Variants in EML5 observed in about 807,000 individuals in gnomAD.
The protein encoded by EML5 is EMAP like 5.
In EML5, 120 loss-of-function variants were observed where a neutral mutation model predicts 250.0. The observed-to-expected ratio is 0.48, with a 90% confidence interval of 0.41 to 0.56. EML5 has a LOEUF of 0.56. Ranked by LOEUF, EML5 falls within the 20% of genes least tolerant of loss-of-function variation. EML5 has a pLI of 0.00. For synonymous variants in EML5, 771 were observed against 806.5 expected, an observed-to-expected ratio of 0.96 and a Z score of 0.75; for missense variants, 2,006 against 2,437.6, an observed-to-expected ratio of 0.82 and a Z score of 3.73.
chr14:88,715,753 G>A (rs1343326855), intron 8 of EML5, among the ~76,000 whole-genome samples: 1 of 151,740 alleles, frequency 6.6e-6, no homozygotes, highest in South Asian at 2.1e-4. Context: ...CACCTCTGGG[G>A]ATCAAGCGAT....
At chr14:88,662,542 CTTT>C (rs56347693) in intron 24 of EML5, among the ~76,000 whole-genome samples, 5 of 121,682 alleles carry the variant, frequency 4.1e-5, no homozygotes, top group Admixed American at 9.2e-5. Context: ...TGATTTATTC[CTTT>C]TTTTTTTTTT....
At chr14:88,744,977 T>C (rs1372556581) in intron 3 of EML5, among the ~76,000 whole-genome samples, 1 of 152,046 alleles carries the variant, frequency 6.6e-6, no homozygotes, top group African/African-American at 2.4e-5. Flanking sequence ...AACATATCAA[T>C]GCAACTTTGA....
chr14:88,666,762 T>C (rs943663773), intron 21 of EML5, among the ~76,000 whole-genome samples: 1 of 152,068 alleles, frequency 6.6e-6, no homozygotes, highest in African/African-American at 2.4e-5. Flanking sequence ...GCAAACATAT[T>C]CAAAAGCCCT....
chr14:88,661,719 C>G lies in EML5; in HGVS notation c.3610G>C (p.Asp1204His). The change falls in exon 25 of 44, where the codon GAC becomes CAC. Residue 1204 changes from aspartate (D) to histidine (H), a missense_variant. By Grantham distance (81) the Asp-to-His change is moderately conservative. Coordinates refer to ENST00000554922, the MANE Select transcript of EML5 (RefSeq NM_183387.3). ...TDVTASCLTS[D>H]KMVLATGDDL... ...TCCCCGGTAGCTAGAACCATTTTGT[C>G]ACTGGTGAGGCAAGAAGCAGTTACA... The G allele has an allele frequency of 6.2e-7, 1 of 1,613,638 alleles. No homozygotes were observed. Among genetic ancestry groups the G allele is most frequent in the African/African-American group, 1.3e-5 (1 of 75,038 alleles).
At chr14:88,631,962 A>T (rs1337957420) in intron 33 of EML5, among the ~76,000 whole-genome samples, 1 of 152,220 alleles carries the variant, frequency 6.6e-6, no homozygotes, top group African/African-American at 2.4e-5. Flanking sequence ...ATACAGGGAA[A>T]ATGGAAGTCA....
At chr14:88,669,834 G>A (rs2092409793) in intron 21 of EML5, among the ~76,000 whole-genome samples, 3 of 152,144 alleles carry the variant, frequency 2.0e-5, no homozygotes, top group Admixed American at 6.5e-5. Flanking sequence ...ATACAGGGGC[G>A]TTTCCACTGG....
At chr14:88,643,609 A>AT (rs1333466791) in intron 30 of EML5, among the ~76,000 whole-genome samples, 3 of 152,160 alleles carry the variant, frequency 2.0e-5, no homozygotes, top group Non-Finnish European at 2.9e-5. Flanking sequence ...GAGGGACTGT[A>AT]TTTTTTGTGT....
At chr14:88,666,910 G>A (rs1180405933) in intron 21 of EML5, among the ~76,000 whole-genome samples, 2 of 152,188 alleles carry the variant, frequency 1.3e-5, no homozygotes, top group Non-Finnish European at 2.9e-5. Context: ...TCTAAGATGT[G>A]ATTTCTCAGA....
intron 4 of EML5, among the ~76,000 whole-genome samples, chr14:88,741,463 T>G (rs1480951547): frequency 6.6e-6 from 1 of 152,206 alleles, no homozygotes; most frequent in Admixed American, 6.5e-5. Context: ...AAGTTAACCA[T>G]GAATCTTCAT....
rs773054748 is a variant in EML5 at position 88,642,874 on chromosome 14, G to T, written c.4237+19C>A. The stretch of plus-strand genomic sequence containing the variant: ...AGTTAAAAAAATTGATAGAGGGATG[G>T]AGAATCAGGGTTTCCTACCTGTAGC... On this transcript the variant is annotated intron_variant, in intron 31 of 43. Transcript: ENST00000554922. The T allele has an allele frequency of 1.3e-6, 2 of 1,580,682 alleles. No homozygotes were observed. The highest frequency in any genetic ancestry group is 1.7e-6 in the Non-Finnish European group (2 of 1,168,586).
intron 1 of EML5, among the ~76,000 whole-genome samples, chr14:88,788,623 T>C (rs191986512): frequency 1.3e-5 from 2 of 152,004 alleles, no homozygotes; most frequent in Admixed American, 1.3e-4. Flanking sequence ...CAGAGTCAAA[T>C]AACAAAATGC....
chr14:88,729,747 G>A (rs2093724379), intron 7 of EML5, among the ~76,000 whole-genome samples: 1 of 152,014 alleles, frequency 6.6e-6, no homozygotes, highest in Admixed American at 6.6e-5. Context: ...TTTTAGTAGA[G>A]ACAGGGTTTT....
At chr14:88,746,089 TG>T in intron 3 of EML5, 95 bp downstream of exon 3, 1 of 931,660 alleles carries the variant, frequency 1.1e-6, no homozygotes, top group African/African-American at 1.7e-5. Flanking sequence ...ATGACCTATC[TG>T]GCAATAACAA....
chr14:88,787,329 A>T (rs1327209248), intron 1 of EML5, among the ~76,000 whole-genome samples: 1 of 152,224 alleles, frequency 6.6e-6, no homozygotes, highest in East Asian at 1.9e-4. Context: ...TAAGGCAGGG[A>T]TTCTTGCACA....
chr14:88,681,767 T>A, intron 21 of EML5, 123 bp downstream of exon 21: 2 of 1,135,984 alleles, frequency 1.8e-6, no homozygotes, highest in South Asian at 4.2e-5. Context: ...CAAGTAGACA[T>A]TGAATAAATA....
chr14:88,727,868 C>G (rs995819675), intron 7 of EML5, among the ~76,000 whole-genome samples: 47 of 152,230 alleles, frequency 3.1e-4, no homozygotes, highest in African/African-American at 1.1e-3. Context: ...CTGTTCCAGA[C>G]CACAATGCTA....
chr14:88,773,719 T>G (rs779225126), intron 1 of EML5, among the ~76,000 whole-genome samples: 1 of 152,244 alleles, frequency 6.6e-6, no homozygotes, highest in Non-Finnish European at 1.5e-5. Context: ...TTATTTTGTT[T>G]GTTTTCTTTT....
chr14:88,642,514 C>T (rs1188677837), intron 31 of EML5, among the ~76,000 whole-genome samples: 2 of 152,122 alleles, frequency 1.3e-5, no homozygotes, highest in Admixed American at 6.5e-5. Context: ...ACCCAACATG[C>T]TACATTCAAT....
chr14:88,771,783 G>T (rs1322350664), intron 1 of EML5, among the ~76,000 whole-genome samples: 2 of 152,106 alleles, frequency 1.3e-5, no homozygotes, highest in Non-Finnish European at 2.9e-5. Context: ...CCACGTTTTT[G>T]AAAGACTTTC....
Sources: allele counts gnomAD v4.1 joint callset (sites outside exome capture counted in the v4.1 genomes callset), GRCh38; gene constraint gnomAD v4.1.1; transcripts MANE v1.5; gene names NCBI Gene and HGNC (gene_info 2026-07-23, HGNC 2026-07-21).